The following KSR2 variants were observed in gnomAD, a reference collection of about 807,000 sequenced individuals.
KSR2 encodes the protein kinase suppressor of ras 2.
Under a neutral mutation model 107.8 loss-of-function variants are expected in KSR2, and 25 were observed. That is an observed-to-expected ratio of 0.23 (90% CI 0.17 to 0.32). The LOEUF (loss-of-function observed/expected upper bound fraction) is 0.32. KSR2 is among the 10% of genes least tolerant of loss of function. KSR2 has a pLI of 1.00. For synonymous variants in KSR2, 480 were observed against 507.0 expected (o/e 0.95, Z 0.71); for missense variants, 887 against 1,268.9 (o/e 0.70, Z 4.57).
At chr12:117,539,094 G>T (rs1464598137) in intron 10 of KSR2, among the ~76,000 whole-genome samples, 2 of 152,214 alleles carry the variant, frequency 1.3e-5, no homozygotes, top group African/African-American at 2.4e-5. Context: ...CTGGTCAACA[G>T]TCCAGGTACC....
rs1182350202 is a variant in KSR2, at chr12:117,459,192, A to G, written c.*8007T>C. 6.6e-6 allele frequency: 1 copy of G among 152,234 alleles called. No homozygotes were observed. The highest frequency in any genetic ancestry group is 2.4e-5 in the African/African-American group (1 of 41,452). The allele number at this position is 152,234 out of a possible 1,614,324, so 9.4% of individuals were successfully genotyped here. ...CCAAGTTCCCTAACTGAGAAGAAACATCTGCAGAGCGCTGATAGACTGTCC... is the reference window on the plus strand; with the variant it reads ...CCAAGTTCCCTAACTGAGAAGAAACGTCTGCAGAGCGCTGATAGACTGTCC... On this transcript the variant is annotated 3_prime_UTR_variant, in exon 20 of 20. Transcript: ENST00000339824.
intron 4 of KSR2, 45 bp from the exon 5 acceptor site, chr12:117,667,703 G>A (rs768238730): frequency 2.0e-6 from 3 of 1,473,806 alleles, no homozygotes; most frequent in South Asian, 1.4e-5. Context: ...ATATCCATAG[G>A]TGCACAAAGT....
intron 1 of KSR2, among the ~76,000 whole-genome samples, chr12:117,957,839 T>C (rs1896559385): frequency 6.6e-6 from 1 of 151,394 alleles, no homozygotes; most frequent in Non-Finnish European, 1.5e-5. Context: ...ACCTTTTTTT[T>C]TTTTTTTTTT....
chr12:117,800,462 G>C (rs1362100479), intron 3 of KSR2, among the ~76,000 whole-genome samples: 1 of 152,198 alleles, frequency 6.6e-6, no homozygotes, highest in Non-Finnish European at 1.5e-5. Flanking sequence ...TGGGGAGCTG[G>C]AGAAGCCAAG....
intron 14 of KSR2, among the ~76,000 whole-genome samples, chr12:117,490,668 T>C (rs1872698307): frequency 6.6e-6 from 1 of 152,198 alleles, no homozygotes; most frequent in East Asian, 1.9e-4. Context: ...AGTGCTGGGA[T>C]TACAGACATG....
intron 5 of KSR2, among the ~76,000 whole-genome samples, chr12:117,628,932 G>T (rs2136364715): frequency 6.6e-6 from 1 of 152,346 alleles, no homozygotes; most frequent in Admixed American, 6.5e-5. Flanking sequence ...CCCTAGCCAG[G>T]CTGCTGTCTG....
At position 117,830,215 on chromosome 12, in the gene KSR2, C is replaced by T. The variant is rs143220409; in HGVS notation, c.472+25213G>A. On this transcript the variant is annotated intron_variant, in intron 3 of 19. Transcript: ENST00000339824. ...CCTAGGAGGCAGAGGTTGCAGTGAGCGAAGATCAAGCCATTGCTACTCCAG... is the reference window on the plus strand; with the variant it reads ...CCTAGGAGGCAGAGGTTGCAGTGAGTGAAGATCAAGCCATTGCTACTCCAG... Among the ~76,000 whole-genome samples, 5 of 151,468 alleles carry T rather than the reference C, an allele frequency of 3.3e-5. No homozygotes were observed. In the East Asian group the frequency reaches 7.8e-4, roughly 24 times the overall value.
At chr12:117,551,147 G>T (rs1877276170) in intron 9 of KSR2, among the ~76,000 whole-genome samples, 2 of 152,132 alleles carry the variant, frequency 1.3e-5, no homozygotes, top group Non-Finnish European at 2.9e-5. Flanking sequence ...GTTGTAGCTT[G>T]GTCCCATAAG....
intron 5 of KSR2, among the ~76,000 whole-genome samples, chr12:117,625,905 T>C (rs908093416): frequency 6.6e-6 from 1 of 152,216 alleles, no homozygotes; most frequent in African/African-American, 2.4e-5. Flanking sequence ...ATTCAGAGAT[T>C]CAATTTCTTC....
At position 117,968,306 on chromosome 12, in the gene KSR2, G is replaced by C. The variant is rs200044097; in HGVS notation, c.-51C>G. On this transcript the variant is annotated 5_prime_UTR_variant, in exon 1 of 20. Coordinates refer to ENST00000339824, the MANE Select transcript of KSR2 (RefSeq NM_173598.6). ...TCCTCCTCCTCCCAGAGAGAAAAAA[G>C]AGGGGGGGGAGTAGAGGTAGTCTAC... 3 of 1,092,656 alleles carry C rather than the reference G, an allele frequency of 2.7e-6. No individual in the cohort carries two copies. Among genetic ancestry groups the C allele is most frequent in the Non-Finnish European group, 3.4e-6 (3 of 879,776 alleles). The allele number at this position is 1,092,656 out of a possible 1,614,324, so 67.7% of individuals were successfully genotyped here.
chr12:117,794,515 A>ACT (rs1413879832), intron 3 of KSR2, among the ~76,000 whole-genome samples: 10 of 133,320 alleles, frequency 7.5e-5, no homozygotes, highest in African/African-American at 3.1e-4. Context: ...CAACATGCAC[A>ACT]CACACCAACA....
chr12:117,656,576 T>G lies in KSR2; in HGVS notation c.1171+10898A>C, dbSNP rs150487376. Among the ~76,000 whole-genome samples, 538 of 152,330 alleles carry G rather than the reference T, an allele frequency of 3.5e-3. 4 individuals carry two copies. Among genetic ancestry groups the G allele is most frequent in the African/African-American group, 0.012 (483 of 41,564 alleles). ...CTGTGGTTAGCCAAGATCGTGCCAT[T>G]GCACTCCAGCCTGGGCAACAAGAGT... On this transcript the variant is annotated intron_variant, in intron 5 of 19. Coordinates refer to ENST00000339824, the MANE Select transcript of KSR2 (RefSeq NM_173598.6).
At chr12:117,839,022 G>A (rs1263343559) in intron 3 of KSR2, among the ~76,000 whole-genome samples, 1 of 152,192 alleles carries the variant, frequency 6.6e-6, no homozygotes, top group African/African-American at 2.4e-5. Context: ...AAAAGCAGGT[G>A]GAGGGCTGAC....
intron 1 of KSR2, among the ~76,000 whole-genome samples, chr12:117,966,594 TTC>T (rs71450240): frequency 6.8e-4 from 90 of 133,076 alleles, no homozygotes; most frequent in Non-Finnish European, 8.5e-4. Flanking sequence ...AAACAGCATG[TTC>T]TCTCTCTCTC....
chr12:117,526,571 C>T (rs187431537), intron 13 of KSR2, among the ~76,000 whole-genome samples: 32 of 152,328 alleles, frequency 2.1e-4, no homozygotes, highest in Admixed American at 1.2e-3. Flanking sequence ...GAAGCCCTGA[C>T]TCAATTCCTT....
intron 1 of KSR2, among the ~76,000 whole-genome samples, chr12:117,872,810 G>T (rs1266336130): frequency 6.6e-6 from 1 of 152,134 alleles, no homozygotes; most frequent in African/African-American, 2.4e-5. Context: ...TAGAAGCCAG[G>T]GTTCAGCACC....
At chr12:117,908,342 C>G (rs1031072563) in intron 1 of KSR2, among the ~76,000 whole-genome samples, 1 of 151,458 alleles carries the variant, frequency 6.6e-6, no homozygotes. Context: ...GGGATATGTA[C>G]TGAGAAGGCT....
chr12:117,731,779 G>A (rs1003075316), intron 4 of KSR2, among the ~76,000 whole-genome samples: 27 of 151,762 alleles, frequency 1.8e-4, no homozygotes, highest in African/African-American at 4.8e-4. Context: ...TCCACTCAGG[G>A]TTAAATGGAT....
At chr12:117,633,624 G>A (rs1882911684) in intron 5 of KSR2, among the ~76,000 whole-genome samples, 1 of 152,162 alleles carries the variant, frequency 6.6e-6, no homozygotes, top group Non-Finnish European at 1.5e-5. Flanking sequence ...GCTTGTGGCT[G>A]TATAACTCCA....
Sources: gnomAD v4.1 joint callset for allele counts (sites outside exome capture counted in the v4.1 genomes callset) on GRCh38, gnomAD v4.1.1 for gene constraint, MANE v1.5 for transcripts, NCBI Gene and HGNC (gene_info 2026-07-23, HGNC 2026-07-21) for gene names.